The following L2HGDH variants were observed in gnomAD, a reference collection of about 807,000 sequenced individuals.
L2HGDH encodes the protein L-2-hydroxyglutarate dehydrogenase, mitochondrial.
A neutral mutation model predicts 51.5 loss-of-function variants in L2HGDH; 34 were observed. That is an observed-to-expected ratio of 0.66 (90% confidence interval 0.50 to 0.88). The LOEUF (loss-of-function observed/expected upper bound fraction) is 0.88. Among genes scored for constraint, L2HGDH ranks in the 40% least tolerant of loss-of-function variants. L2HGDH has a pLI of 0.00. For missense variants in L2HGDH, 558 were observed against 571.9 expected (o/e 0.98, Z 0.25); for synonymous variants, 198 against 197.9 (o/e 1.00, Z -0.01).
At chr14:50,286,153 GA>G (rs1180837682) in intron 4 of L2HGDH, among the ~76,000 whole-genome samples, 1 of 152,110 alleles carries the variant, frequency 6.6e-6, no homozygotes, top group Non-Finnish European at 1.5e-5. Context: ...GCAGGACAGG[GA>G]AAATTGAGAG....
intron 4 of L2HGDH, among the ~76,000 whole-genome samples, chr14:50,285,335 AAC>A (rs1345060249): frequency 6.6e-6 from 1 of 152,232 alleles, no homozygotes. Flanking sequence ...CCAAAACATC[AAC>A]AGTCTCTTTT....
chr14:50,307,095 C>T (rs1295904027), intron 1 of L2HGDH, among the ~76,000 whole-genome samples: 5 of 151,950 alleles, frequency 3.3e-5, no homozygotes, highest in Non-Finnish European at 7.4e-5. Flanking sequence ...GGAATACAGG[C>T]GTGAGCCACT....
rs2030396823 is a variant in L2HGDH, at chr14:50,301,347, T to C, written c.408+670A>G. 6.6e-5 allele frequency among the ~76,000 whole-genome samples: 10 copies of C among 152,144 alleles called. 2 individuals carry two copies. Among genetic ancestry groups the C allele is most frequent in the Admixed American group, 6.5e-4 (10 of 15,274 alleles). ...TATATAACCAATATAAATGAAAACATATGTTCACAAATAAACTTATACATG... is the reference window on the plus strand; with the variant it reads ...TATATAACCAATATAAATGAAAACACATGTTCACAAATAAACTTATACATG... On this transcript the variant is annotated intron_variant, in intron 3 of 9. Transcript: ENST00000267436.
At chr14:50,248,504 C>T (rs920122255) in intron 9 of L2HGDH, among the ~76,000 whole-genome samples, 7 of 152,156 alleles carry the variant, frequency 4.6e-5, no homozygotes, top group African/African-American at 1.4e-4. Context: ...TCTTAAGAGG[C>T]TGACACAGTT....
At chr14:50,307,634 T>C (rs1390670114) in intron 1 of L2HGDH, among the ~76,000 whole-genome samples, 1 of 152,222 alleles carries the variant, frequency 6.6e-6, no homozygotes, top group Non-Finnish European at 1.5e-5. Flanking sequence ...AAGCCCCACA[T>C]ATACATCACC....
intron 5 of L2HGDH, among the ~76,000 whole-genome samples, chr14:50,283,601 A>G (rs1217400915): frequency 6.6e-6 from 1 of 152,246 alleles, no homozygotes. Flanking sequence ...AGTCCCTCAT[A>G]TAAAATGCAT....
intron 9 of L2HGDH, among the ~76,000 whole-genome samples, chr14:50,247,714 T>C (rs1888089460): frequency 6.6e-6 from 1 of 152,230 alleles, no homozygotes; most frequent in South Asian, 2.1e-4. Context: ...CTTATTTTTG[T>C]GTTTTTAAAA....
At chr14:50,267,958 T>C in intron 7 of L2HGDH, 48 bp from the exon 8 acceptor site, 1 of 1,545,616 alleles carries the variant, frequency 6.5e-7, no homozygotes. Context: ...CATTCCATGT[T>C]ATCAGAGATG....
At chr14:50,255,941 T>A (rs1888641385) in intron 9 of L2HGDH, among the ~76,000 whole-genome samples, 1 of 151,786 alleles carries the variant, frequency 6.6e-6, no homozygotes. Flanking sequence ...GGCAGGAGAA[T>A]CACTTGAACC....
intron 5 of L2HGDH, among the ~76,000 whole-genome samples, chr14:50,282,084 C>T (rs1367005610): frequency 6.6e-6 from 1 of 152,104 alleles, no homozygotes. Context: ...TCATGATCCG[C>T]CCGCCTCGGC....
intron 5 of L2HGDH, chr14:50,282,622 A>G: frequency 2.4e-6 from 1 of 417,474 alleles, no homozygotes; most frequent in Non-Finnish European, 4.8e-6. Flanking sequence ...AACCATGGCC[A>G]AGTTTCTTAC....
chr14:50,298,573 CA>C (rs2030217063), intron 3 of L2HGDH, among the ~76,000 whole-genome samples: 1 of 152,124 alleles, frequency 6.6e-6, no homozygotes, highest in Non-Finnish European at 1.5e-5. Context: ...CTCAGCCTCC[CA>C]AAGTGCTGGG....
In L2HGDH at chr14:50,295,572, ATTTTTTTTT is replaced by A. The variant is rs545388262; in HGVS notation, c.409-1335_409-1327del. On this transcript the variant is annotated intron_variant, in intron 3 of 9. Coordinates refer to ENST00000267436, the MANE Select transcript of L2HGDH (RefSeq NM_024884.3). ...CAGGCATGTGCACCACACTCGGCTA[ATTTTTTTTT>A]TTTTTTTTTTTTTTTTTTTTAGTAG... 6.6e-5 allele frequency among the ~76,000 whole-genome samples: 7 copies of A among 105,802 alleles called. No homozygotes were observed. The South Asian group carries it at 2.2e-3, about 33-fold the overall frequency. The allele number at this position is 105,802 out of a possible 152,430, so 69.4% of individuals were successfully genotyped here.
chr14:50,248,204 GT>G (rs1888121589), intron 9 of L2HGDH, among the ~76,000 whole-genome samples: 1 of 152,104 alleles, frequency 6.6e-6, no homozygotes, highest in Non-Finnish European at 1.5e-5. Flanking sequence ...TGAATCCAAT[GT>G]TTTTGAACTA....
chr14:50,293,204 C>T lies in L2HGDH; in HGVS notation c.540+911G>A, dbSNP rs1344192667. On this transcript the variant is annotated intron_variant, in intron 4 of 9. Coordinates refer to ENST00000267436, the MANE Select transcript of L2HGDH (RefSeq NM_024884.3). ...AGTCCAGACATAGACCCGCCACATA[C>T]CTGATATCATAAAGGCAATACTGCA... 3 of 702,026 alleles carry T rather than the reference C, an allele frequency of 4.3e-6. No homozygotes were observed. The Admixed American group carries it at 6.0e-5, about 14-fold the overall frequency. The allele number at this position is 702,026 out of a possible 1,614,324, so 43.5% of individuals were successfully genotyped here.
chr14:50,269,293 G>A lies in L2HGDH; in HGVS notation c.776C>T (p.Ala259Val), dbSNP rs1054953585. Residue 259 changes from alanine (A) to valine (V), a missense_variant, in exon 7 of 10, where the codon GCA becomes GTA. Transcript: ENST00000267436. ...EIRCQYVVTC[A>V]GLYSDRISEL... ...TGAAATACGGTCTGAGTAAAGTCCT[G>A]CACATGTCACAACATACTGACATCG... is the stretch of plus-strand genomic sequence containing the variant. 1.2e-6 allele frequency: 2 copies of A among 1,614,022 alleles called. No individual in the cohort carries two copies. The highest frequency in any genetic ancestry group is 1.3e-5 in the African/African-American group (1 of 75,018).
At chr14:50,259,729 G>A (rs1168786177) in intron 9 of L2HGDH, among the ~76,000 whole-genome samples, 2 of 151,874 alleles carry the variant, frequency 1.3e-5, no homozygotes, top group African/African-American at 4.8e-5. Flanking sequence ...AGCTACTCAG[G>A]AGGCTGAGGC....
chr14:50,256,185 A>G (rs1595068990), intron 9 of L2HGDH, among the ~76,000 whole-genome samples: 1 of 152,234 alleles, frequency 6.6e-6, no homozygotes, highest in Admixed American at 6.6e-5. Context: ...CAATGAGACA[A>G]TCTAGTATTT....
intron 9 of L2HGDH, among the ~76,000 whole-genome samples, chr14:50,251,994 G>A (rs146274213): frequency 5.8e-4 from 88 of 151,964 alleles, no homozygotes; most frequent in African/African-American, 2.0e-3. Context: ...TAATTGTGGT[G>A]TATAAACTTC....
Sources: gnomAD v4.1 joint callset for allele counts (sites outside exome capture counted in the v4.1 genomes callset) on GRCh38, gnomAD v4.1.1 for gene constraint, MANE v1.5 for transcripts, NCBI Gene and HGNC (gene_info 2026-07-23, HGNC 2026-07-21) for gene names.